The following PRKN variants were observed in gnomAD, a reference collection of about 807,000 sequenced individuals.
The protein encoded by PRKN is parkin RBR E3 ubiquitin protein ligase.
Under a neutral mutation model 59.5 loss-of-function variants are expected in PRKN, and 56 were observed. The ratio of observed to expected loss-of-function variants is 0.94; its 90% CI spans 0.76 to 1.18. The LOEUF (loss-of-function observed/expected upper bound fraction) is 1.18. Among genes scored for constraint, PRKN ranks in the 50% most tolerant of loss-of-function variants. PRKN has a pLI of 0.00. For missense variants in PRKN, 657 were observed against 596.4 expected, an observed-to-expected ratio of 1.10 and a Z score of -1.06; for synonymous variants, 250 against 222.1, an observed-to-expected ratio of 1.13 and a Z score of -1.12.
chr6:162,664,898 T>C (rs1004487544), intron 1 of PRKN, among the ~76,000 whole-genome samples: 2 of 152,168 alleles, frequency 1.3e-5, no homozygotes, highest in African/African-American at 4.8e-5. Flanking sequence ...TAGATCCCAT[T>C]TGTCAATCTG....
rs1781090899 is a variant in PRKN, at chr6:161,575,368, A to G, written c.872-5952T>C. 6.6e-6 allele frequency among the ~76,000 whole-genome samples: 1 copy of G among 152,192 alleles called. No homozygotes were observed. The highest frequency in any genetic ancestry group is 1.5e-5 in the Non-Finnish European group (1 of 68,038). ...CACAAAGTTGTGTAGCATTTCCACA[A>G]AGTCACTGACAGCTACTGAGAAAAA... On this transcript the variant is annotated intron_variant, in intron 7 of 11. Transcript: ENST00000366898. This position sits in a 1 kb window ranked among gnomAD's most constrained non-coding sequence, Gnocchi z 4.6.
At chr6:161,465,285 T>A (rs868372355) in intron 9 of PRKN, among the ~76,000 whole-genome samples, 1 of 152,294 alleles carries the variant, frequency 6.6e-6, no homozygotes, top group Middle Eastern at 3.4e-3. Context: ...ATTGGGATTT[T>A]AAAAAATCAT....
chr6:162,081,879 C>T (rs1779075541), intron 4 of PRKN, among the ~76,000 whole-genome samples: 1 of 152,120 alleles, frequency 6.6e-6, no homozygotes, highest in Admixed American at 6.5e-5. Flanking sequence ...GTAGCTAGGT[C>T]TTCTACATAA....
In PRKN at chr6:162,304,808, C is replaced by T. The variant is rs181877398; in HGVS notation, c.172-42043G>A. ...CCAATGCTGGGACCCAGCACCTCCA[C>T]TCCAGCTGCTGCTGCCAGATGTGAG... On this transcript the variant is annotated intron_variant, in intron 2 of 11. Coordinates refer to ENST00000366898, the MANE Select transcript of PRKN (RefSeq NM_004562.3). Among the ~76,000 whole-genome samples, 84 of 123,790 alleles carry T rather than the reference C, an allele frequency of 6.8e-4. 2 individuals carry two copies. In the East Asian group the frequency reaches 0.018, roughly 27 times the overall value. The allele number at this position is 123,790 out of a possible 152,430, so 81.2% of individuals were successfully genotyped here. A position where few individuals can be genotyped will look rare whatever the true frequency, so the allele number is the denominator to read the frequency against.
rs533275483 is a variant in PRKN, at chr6:161,369,034, G to A, written c.1168-8829C>T. ...CCACTGCTGCCAGCCCCAGGGACCT[G>A]GGGGGCAGGAGAAGCAGCTCTATGA... On this transcript the variant is annotated intron_variant, in intron 10 of 11. Transcript: ENST00000366898. The surrounding 1 kb of genome is among the most constrained non-coding windows in gnomAD (Gnocchi z 5.8). Among the ~76,000 whole-genome samples the A allele has an allele frequency of 6.6e-6, 1 of 152,130 alleles. No homozygotes were observed. The highest frequency in any genetic ancestry group is 1.9e-4 in the East Asian group (1 of 5,168).
intron 2 of PRKN, among the ~76,000 whole-genome samples, chr6:162,319,625 C>T (rs1782902057): frequency 6.6e-6 from 1 of 151,790 alleles, no homozygotes; most frequent in Admixed American, 6.6e-5. Flanking sequence ...TCCTAACAAA[C>T]CAATAAGGAA....
intron 6 of PRKN, among the ~76,000 whole-genome samples, chr6:161,795,673 A>G (rs1223021729): frequency 6.6e-6 from 1 of 152,162 alleles, no homozygotes; most frequent in Non-Finnish European, 1.5e-5. Flanking sequence ...GCTCTCAGGA[A>G]GTCTGTCTGA....
intron 1 of PRKN, among the ~76,000 whole-genome samples, chr6:162,509,648 TAC>T (rs1254991594): frequency 6.6e-6 from 1 of 152,194 alleles, no homozygotes; most frequent in Non-Finnish European, 1.5e-5. Context: ...ATAGAAAAGT[TAC>T]AGAGATAGCA....
intron 1 of PRKN, among the ~76,000 whole-genome samples, chr6:162,662,580 C>T (rs370419943): frequency 3.3e-5 from 5 of 152,144 alleles, no homozygotes; most frequent in East Asian, 1.9e-4. Flanking sequence ...CTTCAATCAA[C>T]CTTGAGTTAA....
At chr6:162,477,644 A>G (rs1172005059) in intron 1 of PRKN, among the ~76,000 whole-genome samples, 1 of 151,988 alleles carries the variant, frequency 6.6e-6, no homozygotes, top group Non-Finnish European at 1.5e-5. Context: ...TTCTTGCTAT[A>G]CTTTCCCCTT....
At position 161,565,033 on chromosome 6, in the gene PRKN, C is replaced by T. The variant is rs1054849145; in HGVS notation, c.933+4322G>A. ...CGAAAATTCTTTGAGCCACTGGCAT[C>T]TGTAACCAACTTTCCCTGTCCTCTC... is the stretch of plus-strand genomic sequence containing the variant. On this transcript the variant is annotated intron_variant, in intron 8 of 11. Transcript: ENST00000366898. Among the ~76,000 whole-genome samples the T allele has an allele frequency of 7.9e-5, 12 of 152,202 alleles. 1 individual carries two copies. Among genetic ancestry groups the T allele is most frequent in the Non-Finnish European group, 1.5e-5 (1 of 68,032 alleles).
At chr6:162,698,723 A>C (rs999057975) in intron 1 of PRKN, among the ~76,000 whole-genome samples, 10 of 152,172 alleles carry the variant, frequency 6.6e-5, no homozygotes, top group African/African-American at 2.4e-4. Context: ...GCTTCTCTTC[A>C]CAATCCAGTA....
chr6:162,314,538 C>T (rs1339798118), intron 2 of PRKN, among the ~76,000 whole-genome samples: 4 of 152,060 alleles, frequency 2.6e-5, no homozygotes, highest in African/African-American at 9.7e-5. Context: ...TGGGCACATC[C>T]CCAGGAAGAC....
intron 2 of PRKN, among the ~76,000 whole-genome samples, chr6:162,342,181 G>A (rs1345647167): frequency 6.6e-6 from 1 of 152,138 alleles, no homozygotes; most frequent in Non-Finnish European, 1.5e-5. Flanking sequence ...AAAAGTAGAG[G>A]CAAGAATATT....
At position 161,388,301 on chromosome 6, in the gene PRKN, A is replaced by G. The variant is rs1786356492; in HGVS notation, c.1084-1424T>C. Among the ~76,000 whole-genome samples, 1 of 152,230 alleles carries G rather than the reference A, an allele frequency of 6.6e-6. No individual in the cohort carries two copies. Among genetic ancestry groups the G allele is most frequent in the Non-Finnish European group, 1.5e-5 (1 of 68,050 alleles). On this transcript the variant is annotated intron_variant, in intron 9 of 11. Transcript: ENST00000366898. The surrounding 1 kb of genome is among the most constrained non-coding windows in gnomAD (Gnocchi z 4.3). ...AGATAGCACATGCTGAGTGGCTACAATCACAGCATACAATGTGTTCTAAAC... is the reference window on the plus strand; with the variant it reads ...AGATAGCACATGCTGAGTGGCTACAGTCACAGCATACAATGTGTTCTAAAC...
At chr6:162,076,669 T>A (rs1778841712) in intron 4 of PRKN, among the ~76,000 whole-genome samples, 1 of 152,182 alleles carries the variant, frequency 6.6e-6, no homozygotes, top group Non-Finnish European at 1.5e-5. Context: ...CAGTTTATTC[T>A]GAAACGTTTT....
intron 6 of PRKN, among the ~76,000 whole-genome samples, chr6:161,845,876 G>A (rs1295625885): frequency 6.6e-6 from 1 of 152,176 alleles, no homozygotes; most frequent in Non-Finnish European, 1.5e-5. Flanking sequence ...GAAGGCTTGG[G>A]CAGCACCTGT....
At chr6:161,540,828 C>G (rs1361288696) in intron 9 of PRKN, among the ~76,000 whole-genome samples, 1 of 152,176 alleles carries the variant, frequency 6.6e-6, no homozygotes, top group East Asian at 1.9e-4. Context: ...TTGGTTTAAT[C>G]TGGCTTACCT....
At chr6:162,427,791 G>A (rs939773389) in intron 2 of PRKN, among the ~76,000 whole-genome samples, 3 of 151,808 alleles carry the variant, frequency 2.0e-5, no homozygotes, top group Non-Finnish European at 2.9e-5. Flanking sequence ...GACTACAGGC[G>A]CCCCAGACCA....
Sources: gnomAD v4.1 joint callset for allele counts (sites outside exome capture counted in the v4.1 genomes callset) on GRCh38, gnomAD v4.1.1 for gene constraint, Gnocchi (gnomAD v3.1) non-coding constraint, MANE v1.5 for transcripts, NCBI Gene and HGNC (gene_info 2026-07-23, HGNC 2026-07-21) for gene names.